Variants in ACOT9 observed in about 807,000 individuals in gnomAD.
ACOT9 encodes acyl-CoA thioesterase 9, also known as acyl-coenzyme A thioesterase 9, mitochondrial.
ACOT9 carries 34 observed loss-of-function variants against 39.7 expected under a neutral mutation model. The ratio of observed to expected loss-of-function variants is 0.86; its 90% confidence interval spans 0.65 to 1.14. The LOEUF (loss-of-function observed/expected upper bound fraction) is 1.14, where lower values mean the gene tolerates loss of function less well. Ranked by LOEUF, ACOT9 falls within the 50% of genes most tolerant of loss-of-function variation. The probability of loss-of-function intolerance (pLI) is 0.00; values close to 1 mark genes in which losing one functional copy is unlikely to be tolerated. For missense variants in ACOT9, 313 were observed against 344.1 expected, an observed-to-expected ratio of 0.91 and a Z score of 0.71; for synonymous variants, 110 against 120.5, an observed-to-expected ratio of 0.91 and a Z score of 0.57.
rs184999775 is a variant in ACOT9 at position 23,729,211 on chromosome X, T to C, written c.400+1316A>G. Among the ~76,000 whole-genome samples the C allele has an allele frequency of 2.7e-3, 298 of 111,447 alleles. 1 individual carries two copies. The highest frequency in any genetic ancestry group is 4.6e-3 in the Non-Finnish European group (242 of 53,098). On this transcript the variant is annotated intron_variant, in intron 6 of 15. Coordinates refer to ENST00000379303, the MANE Select transcript of ACOT9 (RefSeq NM_001037171.2). ...GAGACAAATCAAAACCATGCACCAC[T>C]TGATAGGATACAATAAGAACAGAGC...
chrX:23,710,532 A>G (rs1232625933), intron 9 of ACOT9, among the ~76,000 whole-genome samples: 1 of 112,168 alleles, frequency 8.9e-6, no homozygotes, highest in Admixed American at 9.6e-5. Context: ...ATTGAAATAC[A>G]TGTAATATAT....
intron 8 of ACOT9, among the ~76,000 whole-genome samples, chrX:23,719,072 C>T (rs916580960): frequency 4.5e-5 from 5 of 110,053 alleles, no homozygotes; most frequent in Non-Finnish European, 7.6e-5. Flanking sequence ...GAGTTCAAGA[C>T]CAGCCTGGGC....
chrX:23,728,776 G>C (rs1439166052), intron 6 of ACOT9, among the ~76,000 whole-genome samples: 1 of 111,496 alleles, frequency 9.0e-6, no homozygotes, highest in African/African-American at 3.3e-5. Context: ...TCAAAAAAGG[G>C]CTCCTTGGAG....
intron 4 of ACOT9, 150 bp from the exon 5 acceptor site, chrX:23,731,136 C>T (rs1033263222): frequency 2.6e-5 from 11 of 429,981 alleles, no homozygotes; most frequent in Non-Finnish European, 3.9e-5. Context: ...TTCCCACCTG[C>T]CACTTGGTGA....
At chrX:23,704,545 C>A in intron 15 of ACOT9, 149 bp downstream of exon 15, 1 of 682,966 alleles carries the variant, frequency 1.5e-6, no homozygotes, top group Admixed American at 3.2e-5. Context: ...CATCTTTGGC[C>A]TTCAGGGCTG....
intron 8 of ACOT9, among the ~76,000 whole-genome samples, chrX:23,717,862 C>T (rs185556922): frequency 3.6e-5 from 4 of 111,485 alleles, no homozygotes; most frequent in East Asian, 2.8e-4. Context: ...CCGAGGCAGG[C>T]GGATCACTTG....
rs1261525192 is a variant in ACOT9 at position 23,702,911 on chromosome X, G to A, written c.*983C>T. The A allele has an allele frequency of 3.6e-5, 4 of 112,179 alleles. No individual in the cohort carries two copies. The East Asian group carries it at 8.4e-4, about 24-fold the overall frequency. The allele number at this position is 112,179 out of a possible 1,213,427, so 9.2% of individuals were successfully genotyped here. ...ATAAGCATAAGCAGCTATTATTATTGTGGTTCCTATTTTTTAAATCAGATA... is the reference window on the plus strand; with the variant it reads ...ATAAGCATAAGCAGCTATTATTATTATGGTTCCTATTTTTTAAATCAGATA... On this transcript the variant is annotated 3_prime_UTR_variant, in exon 16 of 16. Transcript: ENST00000379303.
chrX:23,728,928 G>C (rs770709322), intron 6 of ACOT9, among the ~76,000 whole-genome samples: 88 of 111,016 alleles, frequency 7.9e-4, no homozygotes, highest in African/African-American at 2.8e-3. Context: ...TGAAGGGACT[G>C]GGACACTCCT....
chrX:23,704,193 C>T (rs1263795607), intron 15 of ACOT9, among the ~76,000 whole-genome samples: 60 of 79,722 alleles, frequency 7.5e-4, no homozygotes, highest in African/African-American at 3.0e-3. Flanking sequence ...TTTTTTGAGA[C>T]GGAGTCTCGC....
chrX:23,702,158 A>G lies in ACOT9; in HGVS notation c.*1736T>C, dbSNP rs1244282811. The G allele has an allele frequency of 9.0e-6, 1 of 111,015 alleles. No individual in the cohort carries two copies. Among genetic ancestry groups the G allele is most frequent in the Non-Finnish European group, 1.9e-5 (1 of 52,976 alleles). The allele number at this position is 111,015 out of a possible 1,213,427, so 9.1% of individuals were successfully genotyped here. On this transcript the variant is annotated 3_prime_UTR_variant, in exon 16 of 16. Transcript: ENST00000379303. ...GAACACTAATGTAGAACCCACAATA[A>G]ATATTGCTTCCTTCTTGGGAGGACT...
chrX:23,725,857 T>C (rs1464572712), intron 6 of ACOT9, among the ~76,000 whole-genome samples: 1 of 109,804 alleles, frequency 9.1e-6, no homozygotes, highest in African/African-American at 3.3e-5. Context: ...AACAATTTTA[T>C]TGTTAAATTT....
chrX:23,709,675 G>A (rs1383356002), intron 9 of ACOT9, among the ~76,000 whole-genome samples: 1 of 111,614 alleles, frequency 9.0e-6, no homozygotes, highest in Non-Finnish European at 1.9e-5. Context: ...CCTAAATCAA[G>A]TTTCTAATAC....
chrX:23,720,448 G>T (rs866353039), intron 8 of ACOT9, among the ~76,000 whole-genome samples: 3 of 111,336 alleles, frequency 2.7e-5, no homozygotes, highest in Non-Finnish European at 5.6e-5. Context: ...CCGGAGTAGC[G>T]TGGGCCCTTA....
Position 23,703,890 on chromosome X carries a change from G to C in ACOT9, c.*4C>G. ...AGTGCTAGTTTTCAACAAATGTGGTGTTCTTAGGGCTCCACAAGGTAGTCC... is the reference window on the plus strand; with the variant it reads ...AGTGCTAGTTTTCAACAAATGTGGTCTTCTTAGGGCTCCACAAGGTAGTCC... On this transcript the variant is annotated 3_prime_UTR_variant, in exon 16 of 16. Transcript: ENST00000379303. The C allele has an allele frequency of 8.3e-7, 1 of 1,206,844 alleles. No homozygotes were observed. Among genetic ancestry groups the C allele is most frequent in the South Asian group, 1.8e-5 (1 of 56,777 alleles).
chrX:23,733,886 C>A (rs751253016), intron 3 of ACOT9, among the ~76,000 whole-genome samples: 1 of 112,480 alleles, frequency 8.9e-6, no homozygotes, highest in East Asian at 2.8e-4. Flanking sequence ...CTCAGCCTCC[C>A]GAGTAGCTGG....
chrX:23,740,232 G>A lies in ACOT9; in HGVS notation c.20+2893C>T, dbSNP rs750061961. 5.6e-5 allele frequency among the ~76,000 whole-genome samples: 6 copies of A among 107,872 alleles called. No individual in the cohort carries two copies. The South Asian group carries it at 2.1e-3, about 37-fold the overall frequency. The allele number at this position is 107,872 out of a possible 115,157, so 93.7% of individuals were successfully genotyped here. A position where few individuals can be genotyped will look rare whatever the true frequency, so the allele number is the denominator to read the frequency against. The stretch of plus-strand genomic sequence containing the variant: ...AGCGATTCTCCAGCCTCAGCCTCCC[G>A]AGCAGCTGGGATTACAGCTGTGCAC... On this transcript the variant is annotated intron_variant, in intron 1 of 15. Coordinates refer to ENST00000379303, the MANE Select transcript of ACOT9 (RefSeq NM_001037171.2).
Position 23,701,780 on chromosome X carries a change from A to G in ACOT9, c.*2114T>C, listed in dbSNP as rs1928491726. Reference sequence around the variant, plus strand: ...CTGGCCTAAAAATTTTTTGTTAAAAATGCTTTCCACCGGCCGGGTGCAGTG... The same window carrying G: ...CTGGCCTAAAAATTTTTTGTTAAAAGTGCTTTCCACCGGCCGGGTGCAGTG... On this transcript the variant is annotated 3_prime_UTR_variant, in exon 16 of 16. Transcript: ENST00000379303. 9.0e-6 allele frequency among the ~76,000 whole-genome samples: 1 copy of G among 111,209 alleles called. No individual in the cohort carries two copies. Among genetic ancestry groups the G allele is most frequent in the African/African-American group, 3.3e-5 (1 of 30,751 alleles).
At chrX:23,721,067 A>G (rs1929300368) in intron 8 of ACOT9, among the ~76,000 whole-genome samples, 1 of 110,771 alleles carries the variant, frequency 9.0e-6, no homozygotes, top group Non-Finnish European at 1.9e-5. Context: ...GTGAAACTCC[A>G]TATCCATTTC....
In ACOT9 at chrX:23,709,023, T is replaced by C. The variant is rs567248828; in HGVS notation, c.663-1079A>G. 3.1e-4 allele frequency among the ~76,000 whole-genome samples: 35 copies of C among 111,948 alleles called. No individual in the cohort carries two copies. In the South Asian group the frequency reaches 0.012, roughly 40 times the overall value. ...TCTGTAAGCATCAAATTTTTTGAAATAAAAAATAAGGGAAAAGGGATAATA... is the reference window on the plus strand; with the variant it reads ...TCTGTAAGCATCAAATTTTTTGAAACAAAAAATAAGGGAAAAGGGATAATA... On this transcript the variant is annotated intron_variant, in intron 9 of 15. Transcript: ENST00000379303.
Sources: allele counts gnomAD v4.1 joint callset (sites outside exome capture counted in the v4.1 genomes callset), GRCh38; gene constraint gnomAD v4.1.1; transcripts MANE v1.5; gene names NCBI Gene and HGNC (gene_info 2026-07-23, HGNC 2026-07-21).